The following ANAPC4 variants were observed in gnomAD, a reference collection of about 807,000 sequenced individuals.
The protein encoded by ANAPC4 is anaphase-promoting complex subunit 4.
Under a neutral mutation model 119.8 loss-of-function variants are expected in ANAPC4, and 63 were observed. That is an observed-to-expected ratio of 0.53 (90% CI 0.43 to 0.65). ANAPC4 has a LOEUF of 0.65. Ranked by LOEUF, ANAPC4 falls within the 30% of genes least tolerant of loss-of-function variation. ANAPC4 has a pLI of 0.00. For missense variants in ANAPC4, 716 were observed against 945.1 expected (o/e 0.76, Z 3.18); for synonymous variants, 283 against 318.6 (o/e 0.89, Z 1.19).
At chr4:25,395,057 C>G (rs796947617) in intron 14 of ANAPC4, 152 bp downstream of exon 14, 1 of 588,318 alleles carries the variant, frequency 1.7e-6, no homozygotes, top group Non-Finnish European at 3.0e-6. Context: ...CTTCCTATAC[C>G]CAAGATTGAA....
chr4:25,418,348 A>G lies in ANAPC4; in HGVS notation c.2393A>G (p.Lys798Arg). Reference protein sequence around the residue: ...AAALAPEIVIKVEKLDPELDS With the variant: ...AAALAPEIVIRVEKLDPELDS The stretch of plus-strand genomic sequence containing the variant: ...GCTTTAGCTCCAGAGATAGTCATTA[A>G]AGTGGAAAAACTTGACCCTGAGCTA... The change falls in exon 29 of 29, where the codon AAA becomes AGA. Residue 798 changes from lysine to arginine, a missense_variant. By Grantham distance (26) the Lys-to-Arg change is conservative. This residue lies in a region of ANAPC4 where 504 missense variants were observed against 615.8 expected (regional missense o/e 0.82). Coordinates refer to ENST00000315368, the MANE Select transcript of ANAPC4 (RefSeq NM_013367.3). 1 of 1,614,082 alleles carries G rather than the reference A, an allele frequency of 6.2e-7. No homozygotes were observed. Among genetic ancestry groups the G allele is most frequent in the Non-Finnish European group, 8.5e-7 (1 of 1,179,958 alleles).
chr4:25,406,806 CT>C lies in ANAPC4; in HGVS notation c.1318-18del, dbSNP rs772063703. ...GCAGCTTTCTTTTATCTTGATTTTT[CT>C]TTTTGTTCCTTTTGTTGATAGATGA... On this transcript the variant is annotated intron_variant, in intron 18 of 28. Transcript: ENST00000315368. 6.4e-6 allele frequency: 10 copies of C among 1,561,334 alleles called. No homozygotes were observed. The East Asian group carries it at 2.3e-4, about 35-fold the overall frequency.
rs751928386 is a variant in ANAPC4 at position 25,414,685 on chromosome 4, A to G, written c.1811A>G (p.His604Arg). The change falls in exon 25 of 29, where the codon CAT becomes CGT. Residue 604 changes from histidine (H) to arginine (R), a missense_variant. Transcript: ENST00000315368. ...SLYKMCILRR[H>R]TDISQSVSNG... ...TATAAAATGTGCATCTTAAGGAGAC[A>G]TACTGATATTTCTCAGTAAGTATTA... 4.6e-6 allele frequency: 7 copies of G among 1,526,444 alleles called. No individual in the cohort carries two copies. In the Admixed American group the frequency reaches 8.3e-5, roughly 18 times the overall value. The allele number at this position is 1,526,444 out of a possible 1,614,324, so 94.6% of individuals were successfully genotyped here.
chr4:25,380,186 C>G (rs544293495), intron 2 of ANAPC4, among the ~76,000 whole-genome samples, 188 bp from the exon 3 acceptor site: 1 of 152,112 alleles, frequency 6.6e-6, no homozygotes, highest in African/African-American at 2.4e-5. Flanking sequence ...TTAAATTAGA[C>G]CTTGTTTCAC....
In ANAPC4 at chr4:25,388,497, T is replaced by G. The variant is rs1722162960; in HGVS notation, c.369-3T>G. 1.9e-6 allele frequency: 3 copies of G among 1,570,956 alleles called. No individual in the cohort carries two copies. Among genetic ancestry groups the G allele is most frequent in the Non-Finnish European group, 8.7e-7 (1 of 1,146,612 alleles). On this transcript the variant is annotated splice_region_variant and splice_polypyrimidine_tract_variant and intron_variant, in intron 4 of 28. Coordinates refer to ENST00000315368, the MANE Select transcript of ANAPC4 (RefSeq NM_013367.3). ...TATAATGCTTTTATTTTTTCCTTTTTAGTGTTCTCACATCATTTTATAATG... is the reference window on the plus strand; with the variant it reads ...TATAATGCTTTTATTTTTTCCTTTTGAGTGTTCTCACATCATTTTATAATG...
intron 21 of ANAPC4, 123 bp downstream of exon 21, chr4:25,409,914 T>C (rs143885601): frequency 3.0e-5 from 19 of 636,258 alleles, no homozygotes; most frequent in African/African-American, 2.6e-4. Context: ...ATTAGACTTA[T>C]ATTTATTTGA....
intron 20 of ANAPC4, among the ~76,000 whole-genome samples, chr4:25,407,902 AAAG>A (rs1325279849): frequency 6.6e-6 from 1 of 152,184 alleles, no homozygotes; most frequent in African/African-American, 2.4e-5. Flanking sequence ...CTCAAAAGAA[AAAG>A]AAGAAGAAAA....
chr4:25,402,127 G>T (rs1723012945), intron 16 of ANAPC4, among the ~76,000 whole-genome samples: 1 of 152,120 alleles, frequency 6.6e-6, no homozygotes, highest in African/African-American at 2.4e-5. Context: ...TATCATTGCT[G>T]CAAGAGGGTT....
intron 21 of ANAPC4, among the ~76,000 whole-genome samples, chr4:25,411,675 A>G (rs1468551387): frequency 1.3e-5 from 2 of 152,216 alleles, no homozygotes; most frequent in African/African-American, 4.8e-5. Context: ...CATCTGTAAA[A>G]TGAAGATGGT....
chr4:25,395,092 T>A (rs895687896), intron 14 of ANAPC4, 187 bp downstream of exon 14: 2 of 525,050 alleles, frequency 3.8e-6, no homozygotes, highest in Non-Finnish European at 6.6e-6. Context: ...TTCTGCTTTA[T>A]GAAGTAATTT....
intron 16 of ANAPC4, among the ~76,000 whole-genome samples, chr4:25,401,341 A>C (rs9996892): frequency 0.41 from 61,863 of 152,034 alleles, 14,632 homozygotes; most frequent in Non-Finnish European, 0.52. Flanking sequence ...TTGCTTCAGG[A>C]TACTGGTGCC....
chr4:25,377,583 G>A (rs1577364036), intron 2 of ANAPC4, 27 bp downstream of exon 2: 1 of 1,585,156 alleles, frequency 6.3e-7, no homozygotes, highest in Non-Finnish European at 8.6e-7. Context: ...GAGCCCGCCT[G>A]TGCTGGGTCT....
chr4:25,398,357 G>A (rs1722769490), intron 16 of ANAPC4, among the ~76,000 whole-genome samples: 1 of 152,164 alleles, frequency 6.6e-6, no homozygotes, highest in Admixed American at 6.5e-5. Flanking sequence ...GGTCAGGGAG[G>A]CCTCACTGAG....
At chr4:25,393,089 A>G (rs993561000) in intron 10 of ANAPC4, among the ~76,000 whole-genome samples, 1 of 152,218 alleles carries the variant, frequency 6.6e-6, no homozygotes, top group African/African-American at 2.4e-5. Context: ...GGGCTACAAA[A>G]GATTGTGGCC....
chr4:25,393,124 T>C (rs1722445547), intron 10 of ANAPC4, among the ~76,000 whole-genome samples: 1 of 152,210 alleles, frequency 6.6e-6, no homozygotes, highest in Non-Finnish European at 1.5e-5. Context: ...ACCACAGTCA[T>C]TAATTTATTT....
At chr4:25,401,582 C>T (rs1176247703) in intron 16 of ANAPC4, among the ~76,000 whole-genome samples, 2 of 152,230 alleles carry the variant, frequency 1.3e-5, no homozygotes, top group Non-Finnish European at 2.9e-5. Context: ...CCCTGGGCTT[C>T]TCCAAGGCGG....
intron 7 of ANAPC4, 130 bp from the exon 8 acceptor site, chr4:25,390,006 T>C (rs1026720149): frequency 3.6e-6 from 2 of 555,594 alleles, no homozygotes; most frequent in East Asian, 6.2e-5. Context: ...ATTTGATGTC[T>C]CACTTCCCTC....
At chr4:25,394,567 C>G in intron 12 of ANAPC4, 104 bp from the exon 13 acceptor site, 1 of 1,298,118 alleles carries the variant, frequency 7.7e-7, no homozygotes, top group Non-Finnish European at 1.1e-6. Flanking sequence ...GGGGCTATTT[C>G]TTTATTTTGT....
rs779920658 is a variant in ANAPC4, at chr4:25,388,843, A to C, written c.476A>C (p.Glu159Ala). Residue 159 changes from glutamate to alanine, a missense_variant, in exon 7 of 29, where the codon GAA (glutamate) becomes GCA (alanine). Physicochemically the swap from Glu to Ala is moderately radical, Grantham distance 107 (BLOSUM62 -1). Transcript: ENST00000315368. Reference sequence around the variant, plus strand: ...AATTTACTTCTATATTTTAGTGAAGAAAATTCTGATGAAATTATTAAGCTC... The same window carrying C: ...AATTTACTTCTATATTTTAGTGAAGCAAATTCTGATGAAATTATTAAGCTC... ...YSNTSKIFSE[E>A]NSDEIIKLLG... is the part of the protein sequence containing the mutation. 6.2e-7 allele frequency: 1 copy of C among 1,605,410 alleles called. No homozygotes were observed. Among genetic ancestry groups the C allele is most frequent in the Non-Finnish European group, 8.5e-7 (1 of 1,174,682 alleles).
Sources: gnomAD v4.1 joint callset for allele counts (sites outside exome capture counted in the v4.1 genomes callset) on GRCh38, gnomAD v4.1.1 for gene constraint, gnomAD v4.1.1 regional missense constraint, MANE v1.5 for transcripts, NCBI Gene and HGNC (gene_info 2026-07-23, HGNC 2026-07-21) for gene names.